FFAR4: variants seen among roughly 807,000 people sequenced by gnomAD.
FFAR4 encodes the protein G-protein coupled receptor 120.
Under a neutral mutation model 27.0 loss-of-function variants are expected in FFAR4, and 19 were observed. That is an observed-to-expected ratio of 0.70 (90% CI 0.49 to 1.03). The LOEUF is 1.03. Among genes scored for constraint, FFAR4 ranks in the 50% least tolerant of loss-of-function variants. The pLI, the probability that FFAR4 is intolerant of heterozygous loss-of-function variation, is 0.00. For missense variants in FFAR4, 476 were observed against 479.0 expected (o/e 0.99, Z 0.06); for synonymous variants, 254 against 215.6 (o/e 1.18, Z -1.56).
chr10:93,578,436 A>C (rs2058178481), intron 2 of FFAR4, among the ~76,000 whole-genome samples: 1 of 151,330 alleles, frequency 6.6e-6, no homozygotes, highest in East Asian at 1.9e-4. Flanking sequence ...AAAAAAAAAA[A>C]AAAAACGAGA....
chr10:93,572,483 G>A (rs2058137249), intron 1 of FFAR4, among the ~76,000 whole-genome samples: 2 of 152,232 alleles, frequency 1.3e-5, no homozygotes, highest in South Asian at 4.1e-4. Context: ...AGGAGAGGGA[G>A]AAGGACCAGA....
At chr10:93,581,335 GC>G (rs1199325095) in intron 2 of FFAR4, among the ~76,000 whole-genome samples, 1 of 152,196 alleles carries the variant, frequency 6.6e-6, no homozygotes, top group African/African-American at 2.4e-5. Context: ...AGCTTTGGGG[GC>G]CTGCATGCTG....
chr10:93,584,516 A>T (rs1023548586), intron 2 of FFAR4, among the ~76,000 whole-genome samples: 1 of 152,204 alleles, frequency 6.6e-6, no homozygotes, highest in African/African-American at 2.4e-5. Context: ...CTGAGAAGTA[A>T]ATGTGCGGCA....
intron 1 of FFAR4, 103 bp from the exon 2 acceptor site, chr10:93,575,988 G>A (rs961850826): frequency 2.7e-6 from 3 of 1,122,102 alleles, no homozygotes; most frequent in Non-Finnish European, 1.3e-6. Flanking sequence ...TGTGTAACTG[G>A]GCAATGCAAC....
intron 2 of FFAR4, among the ~76,000 whole-genome samples, chr10:93,578,853 G>A (rs576140175): frequency 5.3e-4 from 80 of 152,326 alleles, no homozygotes; most frequent in Non-Finnish European, 8.8e-4. Flanking sequence ...AGCAGGGCTG[G>A]CTGGAAGGGG....
At chr10:93,575,384 C>G (rs903629817) in intron 1 of FFAR4, among the ~76,000 whole-genome samples, 1 of 152,214 alleles carries the variant, frequency 6.6e-6, no homozygotes, top group Non-Finnish European at 1.5e-5. Context: ...CCATATGTTG[C>G]AGTTCTTGCA....
intron 1 of FFAR4, among the ~76,000 whole-genome samples, chr10:93,573,475 C>T (rs2058143680): frequency 6.6e-6 from 1 of 152,134 alleles, no homozygotes; most frequent in African/African-American, 2.4e-5. Flanking sequence ...CGGGAGAATA[C>T]CTAGAATCAA....
At chr10:93,578,833 T>C (rs766811442) in intron 2 of FFAR4, among the ~76,000 whole-genome samples, 4 of 152,170 alleles carry the variant, frequency 2.6e-5, no homozygotes, top group Non-Finnish European at 5.9e-5. Flanking sequence ...GAACAAGGAA[T>C]TGATGCTAGA....
chr10:93,577,685 T>A (rs573383007), intron 2 of FFAR4, among the ~76,000 whole-genome samples: 49 of 152,328 alleles, frequency 3.2e-4, no homozygotes, highest in African/African-American at 1.0e-3. Context: ...GTAGAACTTA[T>A]TTAACAAATA....
At chr10:93,585,246 A>G (rs943930835) in intron 2 of FFAR4, among the ~76,000 whole-genome samples, 21 of 146,474 alleles carry the variant, frequency 1.4e-4, no homozygotes, top group African/African-American at 4.9e-4. Context: ...CCTGCTCATT[A>G]ATACAAAATA....
Position 93,566,972 on chromosome 10 carries a change from G to A in FFAR4, c.252G>A (p.Ala84=). The A allele has an allele frequency of 6.2e-7, 1 of 1,611,806 alleles. No individual in the cohort carries two copies. Among genetic ancestry groups the A allele is most frequent in the Non-Finnish European group, 8.5e-7 (1 of 1,179,832 alleles). ...TACLVLNLFC[A]DLLFISAIPL... Reference sequence around the variant, plus strand: ...GCCTGGTACTCAACCTCTTCTGCGCGGACCTGCTCTTCATCAGCGCTATCC... The same window carrying A: ...GCCTGGTACTCAACCTCTTCTGCGCAGACCTGCTCTTCATCAGCGCTATCC... Residue 84 remains alanine, a synonymous_variant, in exon 1 of 3, where the codon GCG becomes GCA. Coordinates refer to ENST00000371481, the MANE Select transcript of FFAR4 (RefSeq NM_001195755.2).
intron 1 of FFAR4, among the ~76,000 whole-genome samples, chr10:93,571,598 C>G (rs1332552143): frequency 6.6e-6 from 1 of 152,202 alleles, no homozygotes; most frequent in East Asian, 1.9e-4. Flanking sequence ...AATTTAATAC[C>G]AGGCTAGTCA....
chr10:93,567,406 G>T (rs2058105445), intron 1 of FFAR4, 119 bp downstream of exon 1: 2 of 869,392 alleles, frequency 2.3e-6, no homozygotes, highest in South Asian at 1.7e-5. Context: ...GCACTTAATC[G>T]TTGTGCCAAA....
intron 1 of FFAR4, among the ~76,000 whole-genome samples, chr10:93,575,762 G>A (rs1305507320): frequency 6.6e-6 from 1 of 152,206 alleles, no homozygotes; most frequent in Non-Finnish European, 1.5e-5. Context: ...GGAAGAGAAG[G>A]CTCGAAAGCC....
chr10:93,582,681 C>A (rs780500367), intron 2 of FFAR4, among the ~76,000 whole-genome samples: 1 of 152,170 alleles, frequency 6.6e-6, no homozygotes, highest in Non-Finnish European at 1.5e-5. Context: ...TGCCTTGCTT[C>A]AGCTCCCATC....
intron 2 of FFAR4, among the ~76,000 whole-genome samples, chr10:93,581,435 C>T (rs550359667): frequency 2.0e-5 from 3 of 152,276 alleles, no homozygotes; most frequent in Non-Finnish European, 1.5e-5. Context: ...CCAAGCAGCT[C>T]CCAGAGGAGA....
At chr10:93,575,723 A>G (rs2058159749) in intron 1 of FFAR4, among the ~76,000 whole-genome samples, 2 of 152,212 alleles carry the variant, frequency 1.3e-5, no homozygotes, top group African/African-American at 4.8e-5. Context: ...TTCAGGGGTC[A>G]GTTTTCTCCT....
rs779264843 is a variant in FFAR4, at chr10:93,567,150, C to T, written c.430C>T (p.Gln144Ter). The change falls in exon 1 of 3, where the codon CAG becomes TAG. Residue 144 changes from glutamine (Q) to a stop codon, truncating the protein, a stop_gained. Transcript: ENST00000371481. LOFTEE classifies it high-confidence loss of function. ...GCGCATGGTGTGCATCGTGCACCTGCAGCGCGGCGTGCGGGGTCCTGGGCG... is the reference window on the plus strand; with the variant it reads ...GCGCATGGTGTGCATCGTGCACCTGTAGCGCGGCGTGCGGGGTCCTGGGCG... Reference protein sequence around the residue: ...LERMVCIVHLQRGVRGPGRRA... With the variant: ...LERMVCIVHL 6.8e-6 allele frequency: 11 copies of T among 1,605,964 alleles called. No homozygotes were observed. Among genetic ancestry groups the T allele is most frequent in the Non-Finnish European group, 9.3e-6 (11 of 1,178,476 alleles).
chr10:93,581,470 A>G (rs1042193125), intron 2 of FFAR4, among the ~76,000 whole-genome samples: 5 of 152,204 alleles, frequency 3.3e-5, no homozygotes, highest in Admixed American at 6.5e-5. Flanking sequence ...TTGAGTCCCA[A>G]CTTTGTCAGT....
Sources: allele counts gnomAD v4.1 joint callset (sites outside exome capture counted in the v4.1 genomes callset), GRCh38; gene constraint gnomAD v4.1.1; transcripts MANE v1.5; gene names NCBI Gene and HGNC (gene_info 2026-07-23, HGNC 2026-07-21).